XKR9: variants seen among roughly 807,000 people sequenced by gnomAD.
XKR9 encodes XK related 9, also known as XK-related protein 9.
In XKR9, 32 loss-of-function variants were observed where a neutral mutation model predicts 32.0. The ratio of observed to expected loss-of-function variants is 1.00; its 90% CI spans 0.76 to 1.34. The LOEUF is 1.34. Among genes scored for constraint, XKR9 ranks in the 40% most tolerant of loss-of-function variants. XKR9 has a pLI of 0.00. For synonymous variants in XKR9, 168 were observed against 143.4 expected, an observed-to-expected ratio of 1.17 and a Z score of -1.22; for missense variants, 546 against 429.7, an observed-to-expected ratio of 1.27 and a Z score of -2.39.
chr8:70,762,989 G>T (rs1463273198), intron 2 of XKR9, among the ~76,000 whole-genome samples: 3 of 152,124 alleles, frequency 2.0e-5, no homozygotes, highest in Non-Finnish European at 2.9e-5. Context: ...GTAAAGGAAG[G>T]TTGATCTAAT....
chr8:70,840,603 T>G, the XKR9 span, among the ~76,000 whole-genome samples: 1 of 152,174 alleles, frequency 6.6e-6, no homozygotes, highest in African/African-American at 2.4e-5. Flanking sequence ...CTCAGACTTC[T>G]TTTTATGATT....
chr8:71,050,242 T>G, the XKR9 span, among the ~76,000 whole-genome samples: 345 of 122,708 alleles, frequency 2.8e-3, 1 homozygote, highest in African/African-American at 7.5e-3. Context: ...CAGAGATATA[T>G]ATATATATAT....
chr8:70,721,995 T>A (rs576119826), intron 4 of XKR9, among the ~76,000 whole-genome samples: 1 of 152,316 alleles, frequency 6.6e-6, no homozygotes, highest in Non-Finnish European at 1.5e-5. Flanking sequence ...ATTGGGTGCA[T>A]ATATATTTAG....
chr8:70,693,952 C>G (rs1805166401), intron 3 of XKR9, among the ~76,000 whole-genome samples: 2 of 152,144 alleles, frequency 1.3e-5, no homozygotes, highest in African/African-American at 4.8e-5. Flanking sequence ...TGAGTTGGTA[C>G]TGGCTTGGTA....
chr8:70,685,760 G>A (rs1173878662), intron 3 of XKR9, among the ~76,000 whole-genome samples: 4 of 139,242 alleles, frequency 2.9e-5, no homozygotes, highest in Non-Finnish European at 6.2e-5. Flanking sequence ...GGGAGGGATA[G>A]CATTAGGAGA....
chr8:70,741,849 G>A (rs6995911), intron 2 of XKR9, among the ~76,000 whole-genome samples: 9,555 of 152,140 alleles, frequency 0.063, 419 homozygotes, highest in Non-Finnish European at 0.089. Context: ...TCATATGGTG[G>A]TTATTTTGAG....
chr8:70,822,726 C>G, the XKR9 span, among the ~76,000 whole-genome samples: 1 of 151,992 alleles, frequency 6.6e-6, no homozygotes, highest in Non-Finnish European at 1.5e-5. Context: ...TTGTTTCCTT[C>G]CATCTCTGCC....
chr8:70,995,616 G>A, the XKR9 span, among the ~76,000 whole-genome samples: 1 of 152,110 alleles, frequency 6.6e-6, no homozygotes, highest in Non-Finnish European at 1.5e-5. Context: ...CCATTGATAT[G>A]TTGTTATGGG....
intron 2 of XKR9, among the ~76,000 whole-genome samples, chr8:70,785,405 G>A (rs1807671478): frequency 6.6e-6 from 1 of 151,444 alleles, no homozygotes; most frequent in African/African-American, 2.4e-5. Flanking sequence ...TTTTTAATCA[G>A]TCTAACTGAA....
chr8:70,758,030 A>G (rs771591512), intron 2 of XKR9, among the ~76,000 whole-genome samples: 22 of 152,036 alleles, frequency 1.4e-4, no homozygotes, highest in Non-Finnish European at 2.8e-4. Flanking sequence ...TGCTTGCCTC[A>G]TAATTTTTTG....
chr8:70,794,011 A>G (rs1225440976), downstream of XKR9, among the ~76,000 whole-genome samples: 1 of 152,070 alleles, frequency 6.6e-6, no homozygotes, highest in Non-Finnish European at 1.5e-5. Context: ...AAATAAAAGC[A>G]GAGATATTTA....
At chr8:70,820,442 A>AT in the XKR9 span, among the ~76,000 whole-genome samples, 1 of 152,186 alleles carries the variant, frequency 6.6e-6, no homozygotes, top group Admixed American at 6.5e-5. Flanking sequence ...GCTTACAGTC[A>AT]TGTTGGAAGG....
At chr8:70,893,351 T>C in the XKR9 span, among the ~76,000 whole-genome samples, 36 of 152,282 alleles carry the variant, frequency 2.4e-4, no homozygotes, top group African/African-American at 7.0e-4. Flanking sequence ...TTCCTTTTCA[T>C]TGGGTTCTCT....
chr8:70,882,088 G>C, the XKR9 span, among the ~76,000 whole-genome samples: 2 of 151,840 alleles, frequency 1.3e-5, no homozygotes, highest in Admixed American at 1.3e-4. Flanking sequence ...ACAGGGCGGG[G>C]AACATCACAC....
the XKR9 span, among the ~76,000 whole-genome samples, chr8:71,049,334 G>GCA: frequency 1.5e-4 from 23 of 152,034 alleles, no homozygotes; most frequent in African/African-American, 4.3e-4. Context: ...ATGCTTGAAT[G>GCA]CACACACACA....
the XKR9 span, among the ~76,000 whole-genome samples, chr8:70,977,568 G>A: frequency 1.3e-5 from 2 of 152,176 alleles, no homozygotes; most frequent in Non-Finnish European, 2.9e-5. Flanking sequence ...TTAATCCTGA[G>A]TTCTAATTTG....
At chr8:70,683,490 TTTC>T (rs1819154148) in intron 3 of XKR9, 3 of 445,136 alleles carry the variant, frequency 6.7e-6, no homozygotes, top group Non-Finnish European at 1.3e-5. Flanking sequence ...TAGAATTACT[TTTC>T]TTTTTTTTTT....
the XKR9 span, among the ~76,000 whole-genome samples, chr8:71,016,471 G>T: frequency 3.3e-5 from 5 of 152,100 alleles, no homozygotes; most frequent in Non-Finnish European, 7.4e-5. Context: ...TCACAAAACA[G>T]GACAATTGAG....
the XKR9 span, among the ~76,000 whole-genome samples, chr8:70,896,829 G>A: frequency 6.6e-6 from 1 of 151,720 alleles, no homozygotes; most frequent in Non-Finnish European, 1.5e-5. Context: ...ATCACATCAG[G>A]GTAAATGAGG....
Sources: allele counts gnomAD v4.1 joint callset (sites outside exome capture counted in the v4.1 genomes callset), GRCh38; gene constraint gnomAD v4.1.1; transcripts MANE v1.5; gene names NCBI Gene and HGNC (gene_info 2026-07-23, HGNC 2026-07-21).